FAM13A: variants seen among roughly 807,000 people sequenced by gnomAD.
FAM13A encodes family with sequence similarity 13 member A, also known as protein FAM13A.
FAM13A carries 76 observed loss-of-function variants against 129.6 expected under a neutral mutation model. The observed-to-expected ratio is 0.59, with a 90% CI of 0.49 to 0.71. The LOEUF (loss-of-function observed/expected upper bound fraction) is 0.71. Among genes scored for constraint, FAM13A ranks in the 30% least tolerant of loss-of-function variants. The pLI, the probability that FAM13A is intolerant of heterozygous loss-of-function variation, is 0.00. For missense variants in FAM13A, 1,108 were observed against 1,249.3 expected (o/e 0.89, Z 1.70); for synonymous variants, 443 against 449.9 (o/e 0.98, Z 0.20).
At chr4:88,909,934 G>T (rs1461367742) in intron 5 of FAM13A, among the ~76,000 whole-genome samples, 1 of 152,164 alleles carries the variant, frequency 6.6e-6, no homozygotes, top group African/African-American at 2.4e-5. Flanking sequence ...TTTTTACAAA[G>T]CCATGTAAAG....
At chr4:89,052,612 A>G (rs1046428646) in intron 1 of FAM13A, among the ~76,000 whole-genome samples, 14 of 151,786 alleles carry the variant, frequency 9.2e-5, no homozygotes, top group African/African-American at 3.1e-4. Flanking sequence ...CTTTGGGGTA[A>G]TTCTTCCGTT....
At chr4:88,876,495 A>G (rs1199779209) in intron 6 of FAM13A, among the ~76,000 whole-genome samples, 1 of 152,142 alleles carries the variant, frequency 6.6e-6, no homozygotes, top group Non-Finnish European at 1.5e-5. Context: ...ACGATGTAAA[A>G]CAGAATTTTT....
chr4:88,985,500 G>T (rs1295199461), intron 4 of FAM13A, among the ~76,000 whole-genome samples: 1 of 152,100 alleles, frequency 6.6e-6, no homozygotes, highest in Non-Finnish European at 1.5e-5. Context: ...AATCCACACT[G>T]GGATATCACA....
At chr4:88,788,031 G>A (rs1370934095) in intron 9 of FAM13A, 99 bp from the exon 10 acceptor site, 2 of 887,542 alleles carry the variant, frequency 2.3e-6, no homozygotes, top group Non-Finnish European at 3.4e-6. Flanking sequence ...TGTATTTCCA[G>A]TGGAAAGTCT....
At chr4:89,033,919 A>C (rs1409251291) in intron 1 of FAM13A, among the ~76,000 whole-genome samples, 1 of 152,234 alleles carries the variant, frequency 6.6e-6, no homozygotes, top group East Asian at 1.9e-4. Flanking sequence ...CACCATATAC[A>C]AAAATTAACT....
chr4:88,848,812 A>T (rs1455728995), intron 7 of FAM13A, among the ~76,000 whole-genome samples: 1 of 152,106 alleles, frequency 6.6e-6, no homozygotes, highest in Non-Finnish European at 1.5e-5. Context: ...GTTTTTCATG[A>T]TCTGACCTAT....
chr4:88,987,630 G>A (rs1045396824), intron 4 of FAM13A, among the ~76,000 whole-genome samples: 7 of 151,638 alleles, frequency 4.6e-5, no homozygotes, highest in African/African-American at 1.2e-4. Context: ...CGAGGCGGGC[G>A]GATCACGAGG....
intron 6 of FAM13A, among the ~76,000 whole-genome samples, chr4:88,899,312 A>C (rs1483910394): frequency 6.6e-6 from 1 of 152,022 alleles, no homozygotes; most frequent in Non-Finnish European, 1.5e-5. Context: ...AGGGATAAGA[A>C]TGATACAATG....
intron 4 of FAM13A, among the ~76,000 whole-genome samples, chr4:88,951,144 T>G (rs944139766): frequency 6.6e-6 from 1 of 152,168 alleles, no homozygotes; most frequent in African/African-American, 2.4e-5. Flanking sequence ...ACCTGACCTC[T>G]CTGGAAACCT....
chr4:88,760,427 A>AC lies in FAM13A; in HGVS notation c.1579-1527dup, dbSNP rs1340654396. Among the ~76,000 whole-genome samples the AC allele has an allele frequency of 4.9e-5, 2 of 41,124 alleles. 1 individual carries two copies. Among genetic ancestry groups the AC allele is most frequent in the Non-Finnish European group, 1.9e-4 (2 of 10,340 alleles). The allele number at this position is 41,124 out of a possible 152,430, so 27.0% of individuals were successfully genotyped here. On this transcript the variant is annotated intron_variant, in intron 13 of 23. Coordinates refer to ENST00000264344, the MANE Select transcript of FAM13A (RefSeq NM_014883.4). ...AGACCATCCTGGCTAACGCGGTGAA[A>AC]CCCCGCCTCTACTAAAAATACAAAA...
chr4:88,760,560 C>A (rs1379571423), intron 13 of FAM13A, among the ~76,000 whole-genome samples: 2 of 23,932 alleles, frequency 8.4e-5, no homozygotes, highest in African/African-American at 1.5e-4. Flanking sequence ...GCCGAGGTCG[C>A]GCCACTGCAC....
intron 19 of FAM13A, among the ~76,000 whole-genome samples, chr4:88,740,885 G>A (rs1031784663): frequency 2.6e-5 from 4 of 152,210 alleles, no homozygotes; most frequent in Admixed American, 2.0e-4. Context: ...ACTATACCAT[G>A]AGGAGTTTTA....
At chr4:88,945,783 G>GTATATATATATATCAGTATATATATAT (rs1755578357) in intron 4 of FAM13A, among the ~76,000 whole-genome samples, 2 of 127,040 alleles carry the variant, frequency 1.6e-5, no homozygotes, top group Admixed American at 1.6e-4. Flanking sequence ...CTATGTGGTT[G>GTATATATATATATCAGTATATATATAT]TATATATATA....
chr4:89,021,031 G>A (rs943824162), intron 2 of FAM13A, among the ~76,000 whole-genome samples: 1 of 152,136 alleles, frequency 6.6e-6, no homozygotes, highest in African/African-American at 2.4e-5. Context: ...AACACTTCAT[G>A]AACAACTACT....
chr4:88,774,833 G>C (rs12646123), intron 11 of FAM13A, among the ~76,000 whole-genome samples: 13,163 of 152,206 alleles, frequency 0.086, 994 homozygotes, highest in East Asian at 0.31. Context: ...AAAAGGAAAG[G>C]ACTTGGAAAA....
chr4:88,823,360 A>G, intron 7 of FAM13A: 1 of 1,039,702 alleles, frequency 9.6e-7, no homozygotes, highest in Non-Finnish European at 1.2e-6. Context: ...CTGCTCCTCA[A>G]TGGTCCCTCC....
At chr4:89,026,668 C>T (rs917375324) in intron 2 of FAM13A, among the ~76,000 whole-genome samples, 1 of 152,166 alleles carries the variant, frequency 6.6e-6, no homozygotes, top group Non-Finnish European at 1.5e-5. Flanking sequence ...ACCATCAGAT[C>T]TCTTGAGAAC....
intron 6 of FAM13A, among the ~76,000 whole-genome samples, chr4:88,896,630 T>G (rs1701739217): frequency 6.6e-6 from 1 of 152,188 alleles, no homozygotes; most frequent in African/African-American, 2.4e-5. Context: ...TGATTCATAG[T>G]TCCTGAAAAC....
intron 4 of FAM13A, among the ~76,000 whole-genome samples, chr4:88,945,094 T>C (rs191716927): frequency 6.6e-6 from 1 of 152,264 alleles, no homozygotes; most frequent in Admixed American, 6.5e-5. Flanking sequence ...GGAGTGACTG[T>C]AGAGAGAAAC....
Sources: allele counts gnomAD v4.1 joint callset (sites outside exome capture counted in the v4.1 genomes callset), GRCh38; gene constraint gnomAD v4.1.1; transcripts MANE v1.5; gene names NCBI Gene and HGNC (gene_info 2026-07-23, HGNC 2026-07-21).